Variants in ANK2 observed in about 807,000 individuals in gnomAD.
ANK2 encodes the protein ankyrin 2, also known as ankyrin-2.
Under a neutral mutation model 360.5 loss-of-function variants are expected in ANK2, and 83 were observed. That is an observed-to-expected ratio of 0.23 (90% CI 0.19 to 0.28). The LOEUF is 0.28. ANK2 is among the 10% of genes least tolerant of loss of function. The pLI is 1.00. For synonymous variants in ANK2, 1,740 were observed against 1,759.5 expected, an observed-to-expected ratio of 0.99 and a Z score of 0.28; for missense variants, 4,201 against 4,795.7, an observed-to-expected ratio of 0.88 and a Z score of 3.66.
intron 4 of ANK2, among the ~76,000 whole-genome samples, chr4:113,202,255 C>CT (rs1180043963): frequency 1.3e-5 from 2 of 152,162 alleles, no homozygotes; most frequent in Non-Finnish European, 2.9e-5. Context: ...TTCAGAGCCA[C>CT]TGAGGGCTGA....
At chr4:113,268,513 T>A (rs956738382) in intron 14 of ANK2, among the ~76,000 whole-genome samples, 1 of 152,166 alleles carries the variant, frequency 6.6e-6, no homozygotes, top group African/African-American at 2.4e-5. Flanking sequence ...TATCGTGTAG[T>A]TTTTGTCATT....
At chr4:113,112,752 G>A (rs1188163947) in intron 1 of ANK2, among the ~76,000 whole-genome samples, 2 of 152,152 alleles carry the variant, frequency 1.3e-5, no homozygotes, top group East Asian at 1.9e-4. Flanking sequence ...TACACTTGGG[G>A]GGTCTTGAGA....
intron 2 of ANK2, among the ~76,000 whole-genome samples, chr4:112,961,366 G>T (rs1214393678): frequency 6.6e-6 from 1 of 151,946 alleles, no homozygotes; most frequent in Non-Finnish European, 1.5e-5. Flanking sequence ...ATTATTTATT[G>T]TTTCTATCTC....
At chr4:113,323,636 G>C in intron 26 of ANK2, 2 of 911,016 alleles carry the variant, frequency 2.2e-6, no homozygotes, top group Non-Finnish European at 3.1e-6. Context: ...ATCTCATTTG[G>C]ATTTCCATTT....
At chr4:113,372,625 G>C in intron 43 of ANK2, 1 of 1,532,440 alleles carries the variant, frequency 6.5e-7, no homozygotes, top group Non-Finnish European at 8.7e-7. Flanking sequence ...TGATTATTCA[G>C]GTACCCACTG....
chr4:113,264,840 T>C, intron 13 of ANK2, 57 bp from the exon 14 acceptor site: 1 of 1,521,404 alleles, frequency 6.6e-7, no homozygotes, highest in Non-Finnish European at 8.9e-7. Context: ...AACTTTATTC[T>C]TTACCATCCA....
In ANK2 at chr4:113,216,890, T is replaced by C. The variant is rs1291724608; in HGVS notation, c.385-15271T>C. 2.0e-5 allele frequency among the ~76,000 whole-genome samples: 3 copies of C among 146,716 alleles called. No homozygotes were observed. The East Asian group carries it at 6.3e-4, about 31-fold the overall frequency. On this transcript the variant is annotated intron_variant, in intron 4 of 45. Transcript: ENST00000357077. Reference sequence around the variant, plus strand: ...CAGATTTTTAAGGCAGTTCAAACACTATTTTTTTTTTTAAAGGAAAGGCTT... The same window carrying C: ...CAGATTTTTAAGGCAGTTCAAACACCATTTTTTTTTTTAAAGGAAAGGCTT...
chr4:113,345,012 T>C (rs535715012), intron 34 of ANK2, among the ~76,000 whole-genome samples: 43 of 152,290 alleles, frequency 2.8e-4, no homozygotes, highest in South Asian at 8.3e-4. Flanking sequence ...TACAACAATG[T>C]GAATGTACTT....
chr4:112,879,617 T>C (rs1188327208), intron 1 of ANK2, among the ~76,000 whole-genome samples: 2 of 152,220 alleles, frequency 1.3e-5, no homozygotes, highest in Non-Finnish European at 2.9e-5. Flanking sequence ...ATTTATTATA[T>C]AGTAATAGAT....
At chr4:113,190,285 A>AT (rs937894431) in intron 2 of ANK2, among the ~76,000 whole-genome samples, 2 of 151,876 alleles carry the variant, frequency 1.3e-5, no homozygotes, top group African/African-American at 4.8e-5. Context: ...TTTAGTTTTC[A>AT]TTTTTTGTAG....
intron 15 of ANK2, 47 bp downstream of exon 15, chr4:113,274,696 G>A (rs2153689629): frequency 6.3e-7 from 1 of 1,596,740 alleles, no homozygotes; most frequent in Non-Finnish European, 8.6e-7. Flanking sequence ...GGATTCCTAA[G>A]TCATGGCCTT....
chr4:113,111,655 T>G (rs762839305), intron 1 of ANK2, among the ~76,000 whole-genome samples: 7 of 152,180 alleles, frequency 4.6e-5, no homozygotes, highest in Non-Finnish European at 8.8e-5. Context: ...GTTCCAATCC[T>G]TTAATAGACT....
At chr4:112,751,310 C>T in the ANK2 span, among the ~76,000 whole-genome samples, 3 of 152,108 alleles carry the variant, frequency 2.0e-5, no homozygotes, top group African/African-American at 4.8e-5. Flanking sequence ...AAACACTCGG[C>T]CCTGAATTTT....
intron 4 of ANK2, among the ~76,000 whole-genome samples, chr4:113,222,958 T>C (rs2099168288): frequency 6.6e-6 from 1 of 152,198 alleles, no homozygotes; most frequent in African/African-American, 2.4e-5. Context: ...AACAAGTATA[T>C]AATCATATAT....
At position 112,871,386 on chromosome 4, in the gene ANK2, A is replaced by G. The variant is rs113471495; in HGVS notation, c.-39-33069A>G. Among the ~76,000 whole-genome samples, 1,235 of 152,240 alleles carry G rather than the reference A, an allele frequency of 8.1e-3. 12 individuals are homozygous for G. Among genetic ancestry groups the G allele is most frequent in the African/African-American group, 0.028 (1,159 of 41,550 alleles). On this transcript the variant is annotated intron_variant, in intron 1 of 30. Coordinates refer to the ANK2 transcript ENST00000503271. ...ATTTTAGTAGAGATGGGGTTTCACCATGTTGCCCAGGCTGGTCGTGAACTT... is the reference window on the plus strand; with the variant it reads ...ATTTTAGTAGAGATGGGGTTTCACCGTGTTGCCCAGGCTGGTCGTGAACTT...
At chr4:113,349,904 T>A (rs2095288924) in intron 36 of ANK2, among the ~76,000 whole-genome samples, 1 of 152,138 alleles carries the variant, frequency 6.6e-6, no homozygotes, top group African/African-American at 2.4e-5. Flanking sequence ...TACTTATTAT[T>A]CAATACTGAC....
chr4:113,016,732 G>A (rs1443558293), intron 2 of ANK2, among the ~76,000 whole-genome samples: 2 of 152,190 alleles, frequency 1.3e-5, no homozygotes, highest in East Asian at 1.9e-4. Context: ...CAAGGCAGGG[G>A]TGCAGAAAGG....
At chr4:112,711,879 A>G in the ANK2 span, among the ~76,000 whole-genome samples, 65 of 150,686 alleles carry the variant, frequency 4.3e-4, no homozygotes, top group African/African-American at 1.4e-3. Flanking sequence ...AGAAAAAGAA[A>G]AAAGAAAAGC....
chr4:113,191,289 G>A (rs764929531), intron 2 of ANK2, among the ~76,000 whole-genome samples: 9 of 152,204 alleles, frequency 5.9e-5, no homozygotes, highest in Non-Finnish European at 8.8e-5. Context: ...GTTGCACGAT[G>A]AGTTGAGATT....
Sources: allele counts gnomAD v4.1 joint callset (sites outside exome capture counted in the v4.1 genomes callset), GRCh38; gene constraint gnomAD v4.1.1; transcripts MANE v1.5; gene names NCBI Gene and HGNC (gene_info 2026-07-23, HGNC 2026-07-21).